The following TMEM163 variants were observed in gnomAD, a reference collection of about 807,000 sequenced individuals.
The protein encoded by TMEM163 is transmembrane protein 163.
TMEM163 carries 17 observed loss-of-function variants against 29.3 expected under a neutral mutation model. The ratio of observed to expected loss-of-function variants is 0.58; its 90% CI spans 0.40 to 0.87. TMEM163 has a LOEUF of 0.87. TMEM163 is among the 40% of genes least tolerant of loss of function. The pLI is 0.00. For synonymous variants in TMEM163, 157 were observed against 160.6 expected (o/e 0.98, Z 0.17); for missense variants, 303 against 381.5 (o/e 0.79, Z 1.71).
intron 2 of TMEM163, among the ~76,000 whole-genome samples, chr2:134,613,176 T>G (rs1682542813): frequency 6.6e-6 from 1 of 151,722 alleles, no homozygotes; most frequent in South Asian, 2.1e-4. Context: ...AAAGAAAAAA[T>G]CAGCAAACTT....
chr2:134,664,957 C>T (rs570500753), intron 2 of TMEM163, among the ~76,000 whole-genome samples: 3 of 152,130 alleles, frequency 2.0e-5, no homozygotes, highest in African/African-American at 7.2e-5. Context: ...TCTCGGTTCA[C>T]GAATTCCCCG....
At chr2:134,464,244 C>T (rs767222900) in intron 6 of TMEM163, among the ~76,000 whole-genome samples, 3 of 152,090 alleles carry the variant, frequency 2.0e-5, no homozygotes, top group Admixed American at 6.5e-5. Context: ...CAGCAGGGGC[C>T]ACCTTCCCTG....
chr2:134,463,260 C>G (rs773257189), intron 6 of TMEM163, among the ~76,000 whole-genome samples: 5 of 152,222 alleles, frequency 3.3e-5, no homozygotes, highest in Non-Finnish European at 5.9e-5. Context: ...GCTGGAGGTC[C>G]CAACCCAAAC....
intron 4 of TMEM163, among the ~76,000 whole-genome samples, chr2:134,518,673 G>T (rs890127630): frequency 6.6e-6 from 1 of 152,140 alleles, no homozygotes; most frequent in Non-Finnish European, 1.5e-5. Flanking sequence ...ATTCAGCACG[G>T]TATAGACTTC....
chr2:134,641,691 C>T (rs1422992414), intron 2 of TMEM163, among the ~76,000 whole-genome samples: 1 of 151,672 alleles, frequency 6.6e-6, no homozygotes, highest in Non-Finnish European at 1.5e-5. Context: ...GACAAAGAAA[C>T]AAAAAATAGA....
chr2:134,698,189 A>T (rs1052571123), intron 2 of TMEM163, among the ~76,000 whole-genome samples: 2 of 152,208 alleles, frequency 1.3e-5, no homozygotes, highest in Non-Finnish European at 2.9e-5. Flanking sequence ...CCCAACTGTG[A>T]CAAACAGAAG....
At chr2:134,631,349 T>G (rs2104832295) in intron 2 of TMEM163, among the ~76,000 whole-genome samples, 1 of 152,336 alleles carries the variant, frequency 6.6e-6, no homozygotes, top group Non-Finnish European at 1.5e-5. Context: ...TTTCTTGTTC[T>G]GTTTTGTTTT....
chr2:134,674,236 A>C (rs896236284), intron 2 of TMEM163, among the ~76,000 whole-genome samples: 1 of 152,108 alleles, frequency 6.6e-6, no homozygotes, highest in African/African-American at 2.4e-5. Context: ...TTTTGCACTT[A>C]ACACATTACA....
rs143940406 is a variant in TMEM163, at chr2:134,578,864, A to G, written c.323-26773T>C. Among the ~76,000 whole-genome samples the G allele has an allele frequency of 3.3e-3, 506 of 152,316 alleles. 7 individuals are homozygous for G. The highest frequency in any genetic ancestry group is 0.012 in the African/African-American group (482 of 41,574). On this transcript the variant is annotated intron_variant, in intron 2 of 7. Coordinates refer to ENST00000281924, the MANE Select transcript of TMEM163 (RefSeq NM_030923.5). Reference sequence around the variant, plus strand: ...CTGCATTTTCAGAAGGGAGGTAAAAAGAGACTGCTCTATTCACCAACAATC... The same window carrying G: ...CTGCATTTTCAGAAGGGAGGTAAAAGGAGACTGCTCTATTCACCAACAATC...
At chr2:134,488,766 C>T (rs997684348) in intron 5 of TMEM163, among the ~76,000 whole-genome samples, 4 of 152,130 alleles carry the variant, frequency 2.6e-5, no homozygotes, top group African/African-American at 9.7e-5. Flanking sequence ...AGATAAATAA[C>T]TCCTAAAAAC....
intron 2 of TMEM163, among the ~76,000 whole-genome samples, chr2:134,701,713 T>A (rs1003157807): frequency 5.3e-5 from 8 of 151,144 alleles, no homozygotes; most frequent in African/African-American, 1.9e-4. Context: ...AGTTCAGGAG[T>A]TCGAGACCAG....
chr2:134,606,658 G>A (rs1682374218), intron 2 of TMEM163, among the ~76,000 whole-genome samples: 1 of 152,186 alleles, frequency 6.6e-6, no homozygotes, highest in Admixed American at 6.5e-5. Context: ...AGATGAACTG[G>A]CAGAGCACAG....
At chr2:134,576,728 C>A (rs1681563522) in intron 2 of TMEM163, among the ~76,000 whole-genome samples, 1 of 152,152 alleles carries the variant, frequency 6.6e-6, no homozygotes, top group Non-Finnish European at 1.5e-5. Context: ...ATTTACAAGT[C>A]CTGAAAAGAA....
At chr2:134,652,542 T>A (rs1218740910) in intron 2 of TMEM163, among the ~76,000 whole-genome samples, 1 of 113,280 alleles carries the variant, frequency 8.8e-6, no homozygotes, top group African/African-American at 4.5e-5. Context: ...TTTATTTCCT[T>A]CTCCTGCCTC....
At chr2:134,541,935 T>C (rs1237054413) in intron 4 of TMEM163, among the ~76,000 whole-genome samples, 1 of 152,206 alleles carries the variant, frequency 6.6e-6, no homozygotes, top group Non-Finnish European at 1.5e-5. Context: ...ATATATTACT[T>C]TGCCTTGCCC....
intron 2 of TMEM163, among the ~76,000 whole-genome samples, chr2:134,554,688 A>C (rs1681010135): frequency 6.6e-6 from 1 of 152,180 alleles, no homozygotes; most frequent in Non-Finnish European, 1.5e-5. Flanking sequence ...CAAACAAAGG[A>C]GATGGCCACT....
intron 5 of TMEM163, among the ~76,000 whole-genome samples, chr2:134,497,186 G>T (rs1409552586): frequency 6.6e-6 from 1 of 152,132 alleles, no homozygotes; most frequent in Non-Finnish European, 1.5e-5. Context: ...TGTGCTCCTT[G>T]GTAGCAAAAG....
intron 2 of TMEM163, among the ~76,000 whole-genome samples, chr2:134,581,851 T>A (rs1183383427): frequency 1.3e-5 from 2 of 152,210 alleles, no homozygotes; most frequent in African/African-American, 4.8e-5. Flanking sequence ...TACCCTTCCA[T>A]CTCCCTCCTG....
At chr2:134,579,088 C>T (rs1026347211) in intron 2 of TMEM163, among the ~76,000 whole-genome samples, 6 of 152,142 alleles carry the variant, frequency 3.9e-5, no homozygotes, top group African/African-American at 1.4e-4. Flanking sequence ...TGGGAGGATG[C>T]GTTGGACCTA....
Sources: gnomAD v4.1 joint callset for allele counts (sites outside exome capture counted in the v4.1 genomes callset) on GRCh38, gnomAD v4.1.1 for gene constraint, MANE v1.5 for transcripts, NCBI Gene and HGNC (gene_info 2026-07-23, HGNC 2026-07-21) for gene names.